The following BAZ2B variants were observed in gnomAD, a reference collection of about 807,000 sequenced individuals.
BAZ2B encodes bromodomain adjacent to zinc finger domain 2B.
A neutral mutation model predicts 246.0 loss-of-function variants in BAZ2B; 91 were observed. The ratio of observed to expected loss-of-function variants is 0.37; its 90% CI spans 0.31 to 0.44. The LOEUF is 0.44. Ranked by LOEUF, BAZ2B falls within the 20% of genes least tolerant of loss-of-function variation. The pLI is 1.00. For synonymous variants in BAZ2B, 855 were observed against 860.0 expected, an observed-to-expected ratio of 0.99 and a Z score of 0.10; for missense variants, 2,332 against 2,533.7, an observed-to-expected ratio of 0.92 and a Z score of 1.71.
At chr2:159,670,635 G>A in the BAZ2B span, 1 of 152,072 alleles carries the variant, frequency 6.6e-6, no homozygotes. Context: ...TTATAATTTT[G>A]TTTTAAATAC....
the BAZ2B span, among the ~76,000 whole-genome samples, chr2:159,663,190 G>GA: frequency 7.0e-6 from 1 of 141,940 alleles, no homozygotes; most frequent in East Asian, 2.1e-4. Flanking sequence ...TTTTGTTGTT[G>GA]TTTTTTTTTT....
At chr2:159,447,119 C>T in intron 5 of BAZ2B, 144 bp from the exon 6 acceptor site, 1 of 578,274 alleles carries the variant, frequency 1.7e-6, no homozygotes, top group Non-Finnish European at 2.7e-6. Context: ...ATGATTCCAT[C>T]TACATGAAAT....
chr2:159,492,523 T>C (rs1353937264), intron 2 of BAZ2B, among the ~76,000 whole-genome samples: 1 of 152,260 alleles, frequency 6.6e-6, no homozygotes, highest in African/African-American at 2.4e-5. Context: ...TTTAGTATCT[T>C]ACATTTCCCA....
At chr2:159,512,238 A>T (rs1359613356) in intron 2 of BAZ2B, among the ~76,000 whole-genome samples, 1 of 152,196 alleles carries the variant, frequency 6.6e-6, no homozygotes. Context: ...CTTGCTCTTA[A>T]GTATCTTTAA....
chr2:159,349,420 G>T, intron 28 of BAZ2B, 140 bp from the exon 29 acceptor site: 1 of 964,872 alleles, frequency 1.0e-6, no homozygotes, highest in Non-Finnish European at 1.5e-6. Flanking sequence ...AAATACATTA[G>T]CAACAAAAAT....
intron 27 of BAZ2B, among the ~76,000 whole-genome samples, chr2:159,363,651 C>T (rs2059938238): frequency 6.6e-6 from 1 of 152,106 alleles, no homozygotes; most frequent in Admixed American, 6.5e-5. Context: ...CTCCCTCACA[C>T]CAATAAATGT....
At chr2:159,470,061 T>G (rs1331243461) in intron 3 of BAZ2B, among the ~76,000 whole-genome samples, 2 of 152,232 alleles carry the variant, frequency 1.3e-5, no homozygotes, top group Admixed American at 6.5e-5. Flanking sequence ...GCTTTCTGCA[T>G]GACCAACACT....
At chr2:159,388,088 G>A (rs1427323985) in intron 21 of BAZ2B, among the ~76,000 whole-genome samples, 1 of 151,660 alleles carries the variant, frequency 6.6e-6, no homozygotes, top group African/African-American at 2.4e-5. Context: ...TAACTAACCT[G>A]CACATTGTGC....
intron 2 of BAZ2B, among the ~76,000 whole-genome samples, chr2:159,483,071 C>G (rs1335201842): frequency 2.0e-5 from 3 of 152,128 alleles, no homozygotes; most frequent in African/African-American, 7.2e-5. Flanking sequence ...GCCTAGATAT[C>G]ACAGGATCAC....
intron 19 of BAZ2B, 186 bp downstream of exon 19, chr2:159,397,158 AT>A (rs1192353863): frequency 6.9e-7 from 1 of 1,456,884 alleles, no homozygotes; most frequent in Non-Finnish European, 9.3e-7. Flanking sequence ...CATAAAACCA[AT>A]TTTTTAACCC....
At chr2:159,430,815 C>A in intron 10 of BAZ2B, 48 bp downstream of exon 10, 2 of 1,556,440 alleles carry the variant, frequency 1.3e-6, no homozygotes, top group South Asian at 1.2e-5. Flanking sequence ...AAAATTCTTG[C>A]TATGGTTTGA....
At chr2:159,682,191 CTT>C in the BAZ2B span, among the ~76,000 whole-genome samples, 8 of 111,768 alleles carry the variant, frequency 7.2e-5, no homozygotes, top group East Asian at 7.9e-4. Flanking sequence ...TGCTCAGGCT[CTT>C]TTTTTTTTTT....
rs1411824948 is a variant in BAZ2B, at chr2:159,325,713, T to C, written c.6149A>G (p.Glu2050Gly). The change falls in exon 35 of 37, where the codon GAA becomes GGA. Residue 2050 changes from glutamate to glycine, a missense_variant. Physicochemically the swap from Glu to Gly is moderately conservative, Grantham distance 98. Around this residue, in one of 9 missense-constraint regions of BAZ2B, gnomAD observed 210 missense variants for 232.5 expected, o/e 0.90. Coordinates refer to ENST00000392783, the MANE Select transcript of BAZ2B (RefSeq NM_013450.4). Reference sequence around the variant, plus strand: ...AGGTTTCTTAACTGAAGTAAAACTTTCTTGTTTTGACAAGTTAATAGAAGT... The same window carrying C: ...AGGTTTCTTAACTGAAGTAAAACTTCCTTGTTTTGACAAGTTAATAGAAGT... ...ENTSINLSKQ[E>G]SFTSVKKPKR... 13 of 1,595,798 alleles carry C rather than the reference T, an allele frequency of 8.1e-6. No individual in the cohort carries two copies. Among genetic ancestry groups the C allele is most frequent in the East Asian group, 2.2e-5 (1 of 44,636 alleles).
chr2:159,333,610 T>C (rs1446405656), intron 33 of BAZ2B, among the ~76,000 whole-genome samples: 2 of 152,146 alleles, frequency 1.3e-5, no homozygotes, highest in Non-Finnish European at 2.9e-5. Flanking sequence ...CTGCAGTCCA[T>C]ATTTTTAAAA....
At chr2:159,467,487 A>G (rs1424481166) in intron 3 of BAZ2B, among the ~76,000 whole-genome samples, 1 of 152,176 alleles carries the variant, frequency 6.6e-6, no homozygotes, top group Non-Finnish European at 1.5e-5. Flanking sequence ...TTCCTCCCCC[A>G]GCACCAATAA....
chr2:159,570,954 A>G (rs1307483371), intron 1 of BAZ2B, among the ~76,000 whole-genome samples: 2 of 152,136 alleles, frequency 1.3e-5, no homozygotes, highest in African/African-American at 4.8e-5. Flanking sequence ...CCTGGGTTCA[A>G]GAGATTTTCC....
At position 159,337,852 on chromosome 2, in the gene BAZ2B, C is replaced by T. The variant is rs1278775855; in HGVS notation, c.5455-80G>A. 8.3e-6 allele frequency: 11 copies of T among 1,319,572 alleles called. No homozygotes were observed. In the East Asian group the frequency reaches 1.9e-4, roughly 23 times the overall value. The allele number at this position is 1,319,572 out of a possible 1,614,324, so 81.7% of individuals were successfully genotyped here. ...TGAATTACCTTTACTTAAAATACAG[C>T]ATTGGATACTGGCAGATCTCAAGGA... On this transcript the variant is annotated intron_variant, in intron 31 of 36. Transcript: ENST00000392783.
the BAZ2B span, among the ~76,000 whole-genome samples, chr2:159,630,777 G>A: frequency 1.7e-4 from 26 of 151,984 alleles, no homozygotes; most frequent in African/African-American, 4.6e-4. Flanking sequence ...CTCGTGATCC[G>A]CCCGCCTCGG....
intron 2 of BAZ2B, among the ~76,000 whole-genome samples, chr2:159,484,556 G>A (rs2079606625): frequency 6.6e-6 from 1 of 152,274 alleles, no homozygotes; most frequent in South Asian, 2.1e-4. Flanking sequence ...GAAAATGACA[G>A]ACCACAACTT....
Sources: gnomAD v4.1 joint callset for allele counts (sites outside exome capture counted in the v4.1 genomes callset) on GRCh38, gnomAD v4.1.1 for gene constraint, gnomAD v4.1.1 regional missense constraint, MANE v1.5 for transcripts, NCBI Gene and HGNC (gene_info 2026-07-23, HGNC 2026-07-21) for gene names.